The following UVRAG variants were observed in gnomAD, a reference collection of about 807,000 sequenced individuals.
UVRAG encodes the protein UV radiation resistance associated, also known as UV radiation resistance-associated gene protein.
In UVRAG, 19 loss-of-function variants were observed where a neutral mutation model predicts 78.0. That is an observed-to-expected ratio of 0.24 (90% confidence interval 0.17 to 0.36). The LOEUF (loss-of-function observed/expected upper bound fraction) is 0.36, where lower values mean the gene tolerates loss of function less well. Ranked by LOEUF, UVRAG falls within the 10% of genes least tolerant of loss-of-function variation. The pLI, the probability that UVRAG is intolerant of heterozygous loss-of-function variation, is 1.00. For synonymous variants in UVRAG, 323 were observed against 324.6 expected, an observed-to-expected ratio of 1.00 and a Z score of 0.05; for missense variants, 740 against 853.8, an observed-to-expected ratio of 0.87 and a Z score of 1.66.
chr11:76,101,253 G>A (rs1951875627), intron 13 of UVRAG, among the ~76,000 whole-genome samples: 1 of 151,950 alleles, frequency 6.6e-6, no homozygotes, highest in African/African-American at 2.4e-5. Flanking sequence ...AACTTTGCCA[G>A]CATCTATTTT....
At chr11:75,827,628 A>ACAAG (rs1478622801) in intron 1 of UVRAG, among the ~76,000 whole-genome samples, 2 of 152,084 alleles carry the variant, frequency 1.3e-5, no homozygotes, top group Non-Finnish European at 2.9e-5. Context: ...AAACAAACAA[A>ACAAG]CAAACAAAAA....
At chr11:75,898,690 A>G (rs537295678) in intron 5 of UVRAG, among the ~76,000 whole-genome samples, 1 of 152,204 alleles carries the variant, frequency 6.6e-6, no homozygotes, top group Admixed American at 6.5e-5. Context: ...GGTTTCTTCC[A>G]TCATTTAATT....
At position 76,065,726 on chromosome 11, in the gene UVRAG, A is replaced by G; in HGVS notation, c.1243A>G (p.Lys415Glu). The change falls in exon 13 of 15, where the codon AAA becomes GAA. Residue 415 changes from lysine (K) to glutamate (E), a missense_variant. Transcript: ENST00000356136. Reference protein sequence around the residue: ...EKEREFPLYPKGGEKLQFDYG... With the variant: ...EKEREFPLYPEGGEKLQFDYG... ...CTTTCTTAGGTTTCCACTGTATCCA[A>G]AAGGAGGGGAGAAGTTGCAGTTTGA... is the stretch of plus-strand genomic sequence containing the variant. 6.2e-7 allele frequency: 1 copy of G among 1,613,924 alleles called. No individual in the cohort carries two copies. The highest frequency in any genetic ancestry group is 8.5e-7 in the Non-Finnish European group (1 of 1,179,960).
chr11:75,949,774 C>CAT (rs550223090), intron 6 of UVRAG, among the ~76,000 whole-genome samples: 3,571 of 147,664 alleles, frequency 0.024, 139 homozygotes, highest in African/African-American at 0.086. Context: ...CATATATACA[C>CAT]ATATATATAC....
chr11:76,094,365 G>C (rs1488110813), intron 13 of UVRAG, among the ~76,000 whole-genome samples: 2 of 152,136 alleles, frequency 1.3e-5, no homozygotes, highest in African/African-American at 4.8e-5. Context: ...GGATGATGTT[G>C]GCCTCATAAA....
At chr11:75,988,047 T>C (rs1273604886) in intron 8 of UVRAG, among the ~76,000 whole-genome samples, 1 of 152,240 alleles carries the variant, frequency 6.6e-6, no homozygotes, top group East Asian at 1.9e-4. Flanking sequence ...GCATTAACTG[T>C]TCTTTTAATG....
At chr11:76,061,584 A>G (rs747333055) in intron 12 of UVRAG, among the ~76,000 whole-genome samples, 3 of 151,874 alleles carry the variant, frequency 2.0e-5, no homozygotes, top group Non-Finnish European at 4.4e-5. Flanking sequence ...ACCGGGAGGA[A>G]CGAACAACTC....
At chr11:76,002,654 G>A (rs1185631842) in intron 8 of UVRAG, among the ~76,000 whole-genome samples, 1 of 152,224 alleles carries the variant, frequency 6.6e-6, no homozygotes, top group African/African-American at 2.4e-5. Context: ...CTAAGGTGAA[G>A]ATTTGGGAAG....
At chr11:75,921,015 AG>A (rs1429970344) in intron 6 of UVRAG, among the ~76,000 whole-genome samples, 1 of 152,200 alleles carries the variant, frequency 6.6e-6, no homozygotes, top group East Asian at 1.9e-4. Context: ...TTGTTTTGAC[AG>A]TATGCACATT....
intron 4 of UVRAG, among the ~76,000 whole-genome samples, chr11:75,882,747 A>G (rs968583709): frequency 6.6e-6 from 1 of 152,016 alleles, no homozygotes; most frequent in Non-Finnish European, 1.5e-5. Flanking sequence ...TACTTCTATG[A>G]GTTCAACTTT....
intron 3 of UVRAG, among the ~76,000 whole-genome samples, chr11:75,862,468 A>T (rs1357143146): frequency 6.6e-6 from 1 of 152,250 alleles, no homozygotes; most frequent in Non-Finnish European, 1.5e-5. Flanking sequence ...ATGGTCCAGT[A>T]CCATCTTGGA....
intron 9 of UVRAG, 97 bp from the exon 10 acceptor site, chr11:76,007,437 A>G: frequency 3.2e-6 from 3 of 939,144 alleles, no homozygotes; most frequent in South Asian, 1.6e-5. Flanking sequence ...TATTACAGAC[A>G]GTATAATCTT....
At chr11:76,101,425 TC>T in intron 13 of UVRAG, among the ~76,000 whole-genome samples, 1 of 152,246 alleles carries the variant, frequency 6.6e-6, no homozygotes, top group South Asian at 2.1e-4. Context: ...TCTGTTCATG[TC>T]CTTTGCTCTC....
intron 1 of UVRAG, among the ~76,000 whole-genome samples, chr11:75,842,442 CTTTTT>C (rs11316075): frequency 7.5e-6 from 1 of 134,226 alleles, no homozygotes. Flanking sequence ...CCTTTTCTTT[CTTTTT>C]TTTTTTTTTT....
chr11:75,996,926 A>C (rs1949719589), intron 8 of UVRAG, among the ~76,000 whole-genome samples: 2 of 152,080 alleles, frequency 1.3e-5, no homozygotes, highest in African/African-American at 2.4e-5. Context: ...GGTATGACAG[A>C]TATCGTTTGT....
intron 14 of UVRAG, among the ~76,000 whole-genome samples, chr11:76,136,604 A>G (rs1952601609): frequency 6.6e-6 from 1 of 151,210 alleles, no homozygotes; most frequent in Non-Finnish European, 1.5e-5. Flanking sequence ...GGCTCACGCA[A>G]TCCTCCCACC....
chr11:75,974,351 C>CTTTT lies in UVRAG; in HGVS notation c.700-9013_700-9010dup, dbSNP rs1188190094. On this transcript the variant is annotated intron_variant, in intron 7 of 14. Transcript: ENST00000356136. ...TGTCTGTTGGCTGCATAAATGTCTT[C>CTTTT]TTTTTTTTTTTTTTTTTTTTTTTTT... Among the ~76,000 whole-genome samples the CTTTT allele has an allele frequency of 1.5e-3, 126 of 83,712 alleles. 9 individuals are homozygous for CTTTT. The highest frequency in any genetic ancestry group is 5.7e-3 in the African/African-American group (114 of 20,026). 54.9% of individuals were successfully genotyped at this position (83,712 alleles called of 152,430 possible). A position where few individuals can be genotyped will look rare whatever the true frequency, so the allele number is the denominator to read the frequency against.
At chr11:75,898,597 A>G (rs1947407106) in intron 5 of UVRAG, among the ~76,000 whole-genome samples, 1 of 152,204 alleles carries the variant, frequency 6.6e-6, no homozygotes, top group Non-Finnish European at 1.5e-5. Context: ...CCCTCTTTAT[A>G]GACGTGCACT....
chr11:76,095,628 G>C (rs983052508), intron 13 of UVRAG, among the ~76,000 whole-genome samples: 1 of 151,206 alleles, frequency 6.6e-6, no homozygotes, highest in African/African-American at 2.4e-5. Flanking sequence ...AATGCTTTGG[G>C]AGGCCAAAGT....
Sources: gnomAD v4.1 joint callset for allele counts (sites outside exome capture counted in the v4.1 genomes callset) on GRCh38, gnomAD v4.1.1 for gene constraint, MANE v1.5 for transcripts, NCBI Gene and HGNC (gene_info 2026-07-23, HGNC 2026-07-21) for gene names.